Variants in STXBP6 observed in about 807,000 individuals in gnomAD.
The protein encoded by STXBP6 is syntaxin-binding protein 6.
A neutral mutation model predicts 26.9 loss-of-function variants in STXBP6; 21 were observed. The ratio of observed to expected loss-of-function variants is 0.78; its 90% CI spans 0.55 to 1.12. The LOEUF is 1.12. Among genes scored for constraint, STXBP6 ranks in the 50% most tolerant of loss-of-function variants. STXBP6 has a pLI of 0.00. For synonymous variants in STXBP6, 97 were observed against 92.6 expected (o/e 1.05, Z -0.27); for missense variants, 232 against 257.9 (o/e 0.90, Z 0.69).
At position 24,961,920 on chromosome 14, in the gene STXBP6, A is replaced by C. The variant is rs77090375; in HGVS notation, c.154+12745T>G. ...TTAAATGTACCAACCTAGAAAAAAA[A>C]CATAAATATGTTTGGTTGACATTTA... On this transcript the variant is annotated intron_variant, in intron 2 of 5. Coordinates refer to ENST00000323944, the MANE Select transcript of STXBP6 (RefSeq NM_001394410.1). Among the ~76,000 whole-genome samples the C allele has an allele frequency of 4.8e-3, 733 of 152,354 alleles. 5 individuals are homozygous for C. The highest frequency in any genetic ancestry group is 0.017 in the African/African-American group (697 of 41,586).
intron 1 of STXBP6, among the ~76,000 whole-genome samples, chr14:25,028,024 T>C (rs1295919575): frequency 1.3e-5 from 2 of 152,104 alleles, no homozygotes; most frequent in African/African-American, 2.4e-5. Context: ...CTAGGAGAGG[T>C]TGGTTCATGA....
At chr14:24,858,880 C>T (rs1266209430) in intron 2 of STXBP6, among the ~76,000 whole-genome samples, 1 of 152,100 alleles carries the variant, frequency 6.6e-6, no homozygotes, top group Non-Finnish European at 1.5e-5. Flanking sequence ...CTGTATTAGA[C>T]ACACACCCCT....
At chr14:24,823,058 T>C (rs2138795702) in intron 4 of STXBP6, among the ~76,000 whole-genome samples, 1 of 152,310 alleles carries the variant, frequency 6.6e-6, no homozygotes, top group South Asian at 2.1e-4. Context: ...TCTGAGAAGC[T>C]GTCAACCATG....
intron 5 of STXBP6, among the ~76,000 whole-genome samples, chr14:24,814,252 C>A (rs554401416): frequency 5.9e-5 from 9 of 152,276 alleles, no homozygotes; most frequent in Admixed American, 5.2e-4. Flanking sequence ...AATGGCAGAG[C>A]CAGGGCTCTA....
chr14:24,895,696 A>G (rs917750436), intron 2 of STXBP6, among the ~76,000 whole-genome samples: 2 of 152,228 alleles, frequency 1.3e-5, no homozygotes, highest in African/African-American at 4.8e-5. Context: ...GTAAGTCAGA[A>G]CACTAAATGT....
chr14:24,909,130 C>T (rs184868379), intron 2 of STXBP6, among the ~76,000 whole-genome samples: 9 of 152,338 alleles, frequency 5.9e-5, no homozygotes, highest in African/African-American at 1.9e-4. Flanking sequence ...CTGCATTTGA[C>T]TTTACCTTCA....
At chr14:24,954,843 G>A (rs2073288231) in intron 2 of STXBP6, among the ~76,000 whole-genome samples, 1 of 152,210 alleles carries the variant, frequency 6.6e-6, no homozygotes, top group South Asian at 2.1e-4. Flanking sequence ...AAACACCTCT[G>A]TCCACAGCGC....
At chr14:25,029,221 C>A (rs1396252231) in intron 1 of STXBP6, among the ~76,000 whole-genome samples, 1 of 152,110 alleles carries the variant, frequency 6.6e-6, no homozygotes, top group African/African-American at 2.4e-5. Flanking sequence ...GCAGGGAAAT[C>A]TTACACGGAA....
chr14:24,999,644 C>A (rs967709047), intron 1 of STXBP6, among the ~76,000 whole-genome samples: 2 of 152,062 alleles, frequency 1.3e-5, no homozygotes, highest in Admixed American at 1.3e-4. Flanking sequence ...CAGGAGGTGA[C>A]ATCTGAAGAC....
At chr14:24,864,357 T>A (rs1379388804) in intron 2 of STXBP6, among the ~76,000 whole-genome samples, 2 of 152,174 alleles carry the variant, frequency 1.3e-5, no homozygotes, top group South Asian at 4.1e-4. Flanking sequence ...GAAAATGTCA[T>A]ACGTGGTAGA....
At chr14:24,911,983 G>A (rs2071591347) in intron 2 of STXBP6, among the ~76,000 whole-genome samples, 1 of 152,292 alleles carries the variant, frequency 6.6e-6, no homozygotes, top group Admixed American at 6.5e-5. Flanking sequence ...TTGTAAGACA[G>A]CAAGTGTGGT....
intron 1 of STXBP6, among the ~76,000 whole-genome samples, chr14:25,042,852 C>A (rs1173737490): frequency 6.6e-6 from 1 of 152,216 alleles, no homozygotes; most frequent in African/African-American, 2.4e-5. Flanking sequence ...CCAACTGTGT[C>A]AGCTCCAGCG....
At chr14:24,923,451 C>A (rs78344146) in intron 2 of STXBP6, among the ~76,000 whole-genome samples, 1 of 152,102 alleles carries the variant, frequency 6.6e-6, no homozygotes, top group Admixed American at 6.6e-5. Context: ...TGTTTCCTTA[C>A]GAACTTGTCA....
intron 2 of STXBP6, among the ~76,000 whole-genome samples, chr14:24,958,440 C>A (rs534339254): frequency 6.6e-6 from 1 of 152,246 alleles, no homozygotes; most frequent in South Asian, 2.1e-4. Flanking sequence ...AGATTCCTTT[C>A]TTCCACTGAC....
intron 1 of STXBP6, among the ~76,000 whole-genome samples, chr14:24,981,432 G>C (rs919318752): frequency 1.3e-5 from 2 of 151,934 alleles, no homozygotes; most frequent in Non-Finnish European, 2.9e-5. Flanking sequence ...CACCATGCCC[G>C]GCTAATTTTT....
At chr14:24,869,749 C>A (rs2069860888) in intron 2 of STXBP6, among the ~76,000 whole-genome samples, 1 of 152,194 alleles carries the variant, frequency 6.6e-6, no homozygotes, top group Non-Finnish European at 1.5e-5. Flanking sequence ...CTTCCCCTCC[C>A]TCAGACTTAC....
intron 2 of STXBP6, among the ~76,000 whole-genome samples, chr14:24,963,609 T>C (rs2073624108): frequency 6.6e-6 from 1 of 152,034 alleles, no homozygotes; most frequent in Non-Finnish European, 1.5e-5. Context: ...TTTCAGGAAA[T>C]GTAGAATTGA....
At chr14:24,840,769 T>C (rs1232836442) in intron 4 of STXBP6, among the ~76,000 whole-genome samples, 4 of 152,154 alleles carry the variant, frequency 2.6e-5, no homozygotes, top group Non-Finnish European at 5.9e-5. Context: ...TTTTGGATAA[T>C]TTTCAAGAAA....
chr14:24,855,683 T>C (rs912729649), intron 4 of STXBP6, among the ~76,000 whole-genome samples: 1 of 152,086 alleles, frequency 6.6e-6, no homozygotes, highest in African/African-American at 2.4e-5. Context: ...CAAATAATCT[T>C]AGCTAAGTGC....
Sources: gnomAD v4.1 joint callset for allele counts (sites outside exome capture counted in the v4.1 genomes callset) on GRCh38, gnomAD v4.1.1 for gene constraint, MANE v1.5 for transcripts, NCBI Gene and HGNC (gene_info 2026-07-23, HGNC 2026-07-21) for gene names.